Variants in GMEB2 observed in about 807,000 individuals in gnomAD.
GMEB2 encodes glucocorticoid modulatory element-binding protein 2.
A neutral mutation model predicts 45.7 loss-of-function variants in GMEB2; 7 were observed. The observed-to-expected ratio is 0.15, with a 90% CI of 0.09 to 0.29. The LOEUF is 0.29. Among genes scored for constraint, GMEB2 ranks in the 10% least tolerant of loss-of-function variants. The probability of loss-of-function intolerance (pLI) is 1.00; values close to 1 mark genes in which losing one functional copy is unlikely to be tolerated. For synonymous variants in GMEB2, 322 were observed against 323.6 expected, an observed-to-expected ratio of 1.00 and a Z score of 0.05; for missense variants, 582 against 739.2, an observed-to-expected ratio of 0.79 and a Z score of 2.47.
At position 63,592,737 on chromosome 20, in the gene GMEB2, A is replaced by G; in HGVS notation, c.692-67T>C. Reference sequence around the variant, plus strand: ...GCTACACGGGGCAGCCACCACAGCCACAAGGACATCACCATAGCCACGAGG... The same window carrying G: ...GCTACACGGGGCAGCCACCACAGCCGCAAGGACATCACCATAGCCACGAGG... On this transcript the variant is annotated intron_variant, in intron 7 of 9. Coordinates refer to ENST00000370077, the MANE Select transcript of GMEB2 (RefSeq NM_012384.5). The surrounding 1 kb of genome is among the most constrained non-coding windows in gnomAD (Gnocchi z 8.2). The G allele has an allele frequency of 7.7e-7, 1 of 1,297,254 alleles. No homozygotes were observed. The highest frequency in any genetic ancestry group is 2.3e-5 in the East Asian group (1 of 43,526). 80.4% of individuals were successfully genotyped at this position (1,297,254 alleles called of 1,614,324 possible).
At chr20:63,624,343 C>A (rs2089656665) in intron 1 of GMEB2, among the ~76,000 whole-genome samples, 1 of 151,052 alleles carries the variant, frequency 6.6e-6, no homozygotes, top group Non-Finnish European at 1.5e-5. Context: ...GCAGGAGAAT[C>A]TCTCGAACTC....
In GMEB2 at chr20:63,613,521, CT is replaced by C. The variant is rs11481490; in HGVS notation, c.131+5745del. ...TTTATTACTACAACATTTTTGTTTT[CT>C]TTTTTTTTTTTTTTTGAGACTGAGT... On this transcript the variant is annotated intron_variant, in intron 2 of 9. Coordinates refer to ENST00000370077, the MANE Select transcript of GMEB2 (RefSeq NM_012384.5). Among the ~76,000 whole-genome samples the C allele has an allele frequency of 1.5e-3, 215 of 139,490 alleles. 1 individual carries two copies. The East Asian group carries it at 0.019, about 12-fold the overall frequency. 91.5% of individuals were successfully genotyped at this position (139,490 alleles called of 152,430 possible).
Position 63,619,244 on chromosome 20 carries a change from A to C in GMEB2, c.131+23T>G. 1 of 1,591,418 alleles carries C rather than the reference A, an allele frequency of 6.3e-7. No homozygotes were observed. Among genetic ancestry groups the C allele is most frequent in the Non-Finnish European group, 8.5e-7 (1 of 1,170,168 alleles). ...CCAACCCAAGCCCCCATCAGCCCCA[A>C]TGGCACCGAGGCCCGAGCTTACCCG... On this transcript the variant is annotated intron_variant, in intron 2 of 9. Coordinates refer to ENST00000370077, the MANE Select transcript of GMEB2 (RefSeq NM_012384.5). This position sits in a 1 kb window ranked among gnomAD's most constrained non-coding sequence, Gnocchi z 4.6.
At chr20:63,605,698 T>C (rs1010869400) in intron 2 of GMEB2, among the ~76,000 whole-genome samples, 1 of 151,748 alleles carries the variant, frequency 6.6e-6, no homozygotes, top group African/African-American at 2.4e-5. Flanking sequence ...CTCACGCCTG[T>C]AATCCCAGTA....
Position 63,590,707 on chromosome 20 carries a change from C to T in GMEB2, c.975G>A (p.Glu325=), listed in dbSNP as rs140146884. The change falls in exon 10 of 10, where the codon GAG becomes GAA. Residue 325 remains glutamate, a synonymous_variant. Transcript: ENST00000370077. ...TCAGCTCCTTGGCTCGGCGACGATG[C>T]TCATCACACTGCTGCTCCAGGGCTG... is the stretch of plus-strand genomic sequence containing the variant. ...DLAALEQQCD[E]HRRRAKELKH... is the part of the protein sequence containing the mutation. The T allele has an allele frequency of 1.1e-3, 1,625 of 1,519,126 alleles. 30 individuals carry two copies. The South Asian group carries it at 0.015, about 14-fold the overall frequency. 94.1% of individuals were successfully genotyped at this position (1,519,126 alleles called of 1,614,324 possible).
chr20:63,596,191 C>T (rs1349462524), intron 5 of GMEB2, among the ~76,000 whole-genome samples: 6 of 152,242 alleles, frequency 3.9e-5, no homozygotes, highest in Non-Finnish European at 5.9e-5. Flanking sequence ...TCCAGGAGAA[C>T]CTTCCTCCTT....
At chr20:63,615,089 A>G (rs1253126162) in intron 2 of GMEB2, among the ~76,000 whole-genome samples, 2 of 152,010 alleles carry the variant, frequency 1.3e-5, no homozygotes, top group Non-Finnish European at 2.9e-5. Context: ...GCTGGTCCCT[A>G]CACCCTGGCT....
At chr20:63,625,230 C>T (rs1204413360) in intron 1 of GMEB2, among the ~76,000 whole-genome samples, 1 of 152,030 alleles carries the variant, frequency 6.6e-6, no homozygotes, top group Non-Finnish European at 1.5e-5. Flanking sequence ...GGCTGGAGTG[C>T]AATGGCAAAA....
At chr20:63,622,571 T>C (rs1001494954) in intron 1 of GMEB2, among the ~76,000 whole-genome samples, 1 of 152,174 alleles carries the variant, frequency 6.6e-6, no homozygotes. Flanking sequence ...CCACAGGCTG[T>C]CTTTTGTCTG....
rs772110049 is a variant in GMEB2, at chr20:63,593,482, G to A, written c.620-400C>T. The stretch of plus-strand genomic sequence containing the variant: ...CGAGAGCTCTGCGGCTGCGTCTGTC[G>A]CCCGTGGGGCTCGCCCTCACCTCGC... On this transcript the variant is annotated intron_variant, in intron 6 of 9. Coordinates refer to ENST00000370077, the MANE Select transcript of GMEB2 (RefSeq NM_012384.5). This position sits in a 1 kb window ranked among gnomAD's most constrained non-coding sequence, Gnocchi z 4.7. Among the ~76,000 whole-genome samples the A allele has an allele frequency of 1.3e-5, 2 of 151,192 alleles. No individual in the cohort carries two copies. The highest frequency in any genetic ancestry group is 2.1e-4 in the South Asian group (1 of 4,788).
Position 63,619,185 on chromosome 20 carries a change from TTAC to T in GMEB2, c.131+79_131+81del. On this transcript the variant is annotated intron_variant, in intron 2 of 9. Transcript: ENST00000370077. This position sits in a 1 kb window ranked among gnomAD's most constrained non-coding sequence, Gnocchi z 4.6. Reference sequence around the variant, plus strand: ...CTAGAAAAATCCTGACACTTGTCCCTTACTACGTTAATGCCAGCTGTGCCAAGG... The same window carrying T: ...CTAGAAAAATCCTGACACTTGTCCCTTACGTTAATGCCAGCTGTGCCAAGG... 7.5e-7 allele frequency: 1 copy of T among 1,334,874 alleles called. No homozygotes were observed. The highest frequency in any genetic ancestry group is 1.0e-6 in the Non-Finnish European group (1 of 994,068). 82.7% of individuals were successfully genotyped at this position (1,334,874 alleles called of 1,614,324 possible).
chr20:63,591,997 C>G, intron 9 of GMEB2, 25 bp downstream of exon 9: 4 of 1,589,980 alleles, frequency 2.5e-6, no homozygotes, highest in Admixed American at 3.4e-5. Flanking sequence ...GCCCAGGGGA[C>G]GGGACGGGGG....
At chr20:63,601,914 GGCCTGTGGCTTCTGTGCT>G (rs1406612806) in intron 4 of GMEB2, among the ~76,000 whole-genome samples, 53 of 145,658 alleles carry the variant, frequency 3.6e-4, no homozygotes, top group African/African-American at 1.2e-3. Flanking sequence ...GCTTCCGTGG[GGCCTGTGGCTTCTGTGCT>G]GCCTGTGGCT....
In GMEB2 at chr20:63,588,284, A is replaced by G. The variant is rs1256016109; in HGVS notation, c.*1805T>C. 1 of 154,386 alleles carries G rather than the reference A, an allele frequency of 6.5e-6. No homozygotes were observed. Among genetic ancestry groups the G allele is most frequent in the Admixed American group, 6.5e-5 (1 of 15,326 alleles). The allele number at this position is 154,386 out of a possible 1,614,324, so 9.6% of individuals were successfully genotyped here. A position where few individuals can be genotyped will look rare whatever the true frequency, so the allele number is the denominator to read the frequency against. On this transcript the variant is annotated 3_prime_UTR_variant, in exon 10 of 10. Transcript: ENST00000370077. ...CTGTTGACGAGGGCTGTCAAGGCAG[A>G]CGCACTCGTGACTTTGACAAAGGGA... is the stretch of plus-strand genomic sequence containing the variant.
Position 63,619,310 on chromosome 20 carries a change from C to T in GMEB2, c.88G>A (p.Gly30Arg), listed in dbSNP as rs1339656526. 1.9e-6 allele frequency: 3 copies of T among 1,612,988 alleles called. No homozygotes were observed. The highest frequency in any genetic ancestry group is 1.7e-5 in the Admixed American group (1 of 60,008). The part of the protein sequence containing the change: ...DTAVDGSGVE[G>R]VKTVLVTTNL... ...GTCGTCACCAACACGGTCTTCACCC[C>T]CTCCACACCACTGCCGTCCACTGCA... is the stretch of plus-strand genomic sequence containing the variant. Residue 30 changes from glycine to arginine, a missense_variant, in exon 2 of 10, where the codon GGG (glycine) becomes AGG (arginine). Physicochemically the swap from Gly to Arg is moderately radical, Grantham distance 125. Coordinates refer to ENST00000370077, the MANE Select transcript of GMEB2 (RefSeq NM_012384.5). This position sits in a 1 kb window ranked among gnomAD's most constrained non-coding sequence, Gnocchi z 4.6.
At chr20:63,620,496 G>T (rs2089637255) in intron 1 of GMEB2, among the ~76,000 whole-genome samples, 1 of 152,210 alleles carries the variant, frequency 6.6e-6, no homozygotes, top group Non-Finnish European at 1.5e-5. Context: ...GGAGAAGAGA[G>T]GATGGCACAC....
In GMEB2 at chr20:63,593,912, C is replaced by T. The variant is rs2083173094; in HGVS notation, c.620-830G>A. On this transcript the variant is annotated intron_variant, in intron 6 of 9. Coordinates refer to ENST00000370077, the MANE Select transcript of GMEB2 (RefSeq NM_012384.5). The surrounding 1 kb of genome is among the most constrained non-coding windows in gnomAD (Gnocchi z 4.7). ...GCGTGCGCCTGTAATCCCAGCTACT[C>T]GGGAGGCTGAGGCAGGAGAATCGCT... is the stretch of plus-strand genomic sequence containing the variant. Among the ~76,000 whole-genome samples, 3 of 152,322 alleles carry T rather than the reference C, an allele frequency of 2.0e-5. No homozygotes were observed. The South Asian group carries it at 6.2e-4, about 32-fold the overall frequency.
At position 63,589,258 on chromosome 20, in the gene GMEB2, C is replaced by T. The variant is rs1275768783; in HGVS notation, c.*831G>A. The stretch of plus-strand genomic sequence containing the variant: ...GCTGCCCAGGACCTCCGCACCCGGT[C>T]AAGTGCACTCACAGGGGCTCAGGGG... On this transcript the variant is annotated 3_prime_UTR_variant, in exon 10 of 10. Coordinates refer to ENST00000370077, the MANE Select transcript of GMEB2 (RefSeq NM_012384.5). The T allele has an allele frequency of 2.5e-6, 1 of 398,632 alleles. No individual in the cohort carries two copies. The highest frequency in any genetic ancestry group is 4.4e-6 in the Non-Finnish European group (1 of 226,156). 24.7% of individuals were successfully genotyped at this position (398,632 alleles called of 1,614,324 possible). A position where few individuals can be genotyped will look rare whatever the true frequency, so the allele number is the denominator to read the frequency against.
chr20:63,614,528 T>C (rs2089594434), intron 2 of GMEB2, among the ~76,000 whole-genome samples: 1 of 152,160 alleles, frequency 6.6e-6, no homozygotes, highest in African/African-American at 2.4e-5. Context: ...AGAGTCTCCC[T>C]TTCCCCGGGG....
Sources: allele counts gnomAD v4.1 joint callset (sites outside exome capture counted in the v4.1 genomes callset), GRCh38; gene constraint gnomAD v4.1.1; non-coding constraint Gnocchi (gnomAD v3.1); transcripts MANE v1.5; gene names NCBI Gene and HGNC (gene_info 2026-07-23, HGNC 2026-07-21).